Variants in ATRNL1 observed in about 807,000 individuals in gnomAD.
ATRNL1 encodes the protein attractin-like protein 1.
ATRNL1 carries 95 observed loss-of-function variants against 182.7 expected under a neutral mutation model. The observed-to-expected ratio is 0.52, with a 90% CI of 0.44 to 0.62. The LOEUF (loss-of-function observed/expected upper bound fraction) is 0.62. Ranked by LOEUF, ATRNL1 falls within the 20% of genes least tolerant of loss-of-function variation. ATRNL1 has a pLI of 0.00. For missense variants in ATRNL1, 1,471 were observed against 1,679.5 expected, an observed-to-expected ratio of 0.88 and a Z score of 2.17; for synonymous variants, 576 against 568.3, an observed-to-expected ratio of 1.01 and a Z score of -0.19.
intron 25 of ATRNL1, among the ~76,000 whole-genome samples, chr10:115,533,916 G>T (rs1224819925): frequency 1.3e-5 from 2 of 149,598 alleles, no homozygotes; most frequent in Non-Finnish European, 3.0e-5. Flanking sequence ...GAGCGGTTTT[G>T]AGTGAGTTTC....
chr10:115,850,228 G>C (rs1454231003), intron 28 of ATRNL1, among the ~76,000 whole-genome samples: 1 of 152,030 alleles, frequency 6.6e-6, no homozygotes, highest in Non-Finnish European at 1.5e-5. Context: ...TAGGAATACT[G>C]ATATTCATTA....
At chr10:115,457,693 G>A (rs1847594837) in intron 21 of ATRNL1, among the ~76,000 whole-genome samples, 1 of 151,974 alleles carries the variant, frequency 6.6e-6, no homozygotes, top group Non-Finnish European at 1.5e-5. Context: ...GCTTCCAAAT[G>A]ATCCCGCCAC....
chr10:115,259,642 A>T (rs1554908172), intron 10 of ATRNL1, among the ~76,000 whole-genome samples: 1 of 152,126 alleles, frequency 6.6e-6, no homozygotes, highest in Non-Finnish European at 1.5e-5. Flanking sequence ...AACTAGTCCC[A>T]ATGAGATGAA....
chr10:115,538,811 C>A (rs564483218), intron 25 of ATRNL1, among the ~76,000 whole-genome samples: 1 of 152,304 alleles, frequency 6.6e-6, no homozygotes, highest in South Asian at 2.1e-4. Flanking sequence ...CAGTTTTATA[C>A]AGTCAATGCA....
At chr10:115,749,730 A>G (rs1474790906) in intron 27 of ATRNL1, among the ~76,000 whole-genome samples, 1 of 151,822 alleles carries the variant, frequency 6.6e-6, no homozygotes, top group African/African-American at 2.4e-5. Context: ...TTATTTTGGA[A>G]TGGAAAGAGA....
intron 26 of ATRNL1, among the ~76,000 whole-genome samples, chr10:115,553,308 G>T (rs747466953): frequency 4.0e-5 from 6 of 151,022 alleles, no homozygotes; most frequent in Non-Finnish European, 8.9e-5. Flanking sequence ...GCAAAGGAAG[G>T]GTTATTTTTA....
chr10:115,137,201 A>G lies in ATRNL1; in HGVS notation c.829+7666A>G, dbSNP rs114388192. Among the ~76,000 whole-genome samples the G allele has an allele frequency of 3.7e-3, 569 of 152,326 alleles. 4 individuals carry two copies. The highest frequency in any genetic ancestry group is 0.013 in the African/African-American group (536 of 41,572). ...GAATGAAAATCCATCTCAAAAAAAA[A>G]TCTGAATGATGGGAGGTCTTTGGTT... On this transcript the variant is annotated intron_variant, in intron 5 of 28. Coordinates refer to ENST00000355044, the MANE Select transcript of ATRNL1 (RefSeq NM_207303.4).
chr10:115,866,635 A>G (rs148943195), intron 28 of ATRNL1, among the ~76,000 whole-genome samples: 3 of 152,244 alleles, frequency 2.0e-5, no homozygotes, highest in Non-Finnish European at 4.4e-5. Context: ...CTTGTACAGT[A>G]CTCTAGTGTT....
At chr10:115,656,044 C>T (rs563589615) in intron 26 of ATRNL1, among the ~76,000 whole-genome samples, 1 of 152,292 alleles carries the variant, frequency 6.6e-6, no homozygotes, top group South Asian at 2.1e-4. Flanking sequence ...ACCAGGACAA[C>T]TGAGATTAGC....
chr10:115,169,114 T>C (rs7098585), intron 7 of ATRNL1, among the ~76,000 whole-genome samples: 1,761 of 151,594 alleles, frequency 0.012, 33 homozygotes, highest in African/African-American at 0.039. Context: ...GGTACTCTTG[T>C]CAAAAATCAA....
At chr10:115,403,144 A>G (rs1844650784) in intron 20 of ATRNL1, among the ~76,000 whole-genome samples, 1 of 152,012 alleles carries the variant, frequency 6.6e-6, no homozygotes, top group South Asian at 2.1e-4. Flanking sequence ...TTTCCGTTTT[A>G]GGAAGATCAA....
chr10:115,820,738 C>G (rs574351901), intron 27 of ATRNL1, among the ~76,000 whole-genome samples: 1 of 152,226 alleles, frequency 6.6e-6, no homozygotes, highest in South Asian at 2.1e-4. Flanking sequence ...TGAAGTCACA[C>G]TGACTTGGCT....
rs1340571119 is a variant in ATRNL1 at position 115,623,952 on chromosome 10, AG to A, written c.3795+74418del. 2.0e-5 allele frequency among the ~76,000 whole-genome samples: 3 copies of A among 152,298 alleles called. No homozygotes were observed. The East Asian group carries it at 5.8e-4, about 29-fold the overall frequency. ...CAGGATATTTTTAGGGACGCATGAA[AG>A]GATTTAATTTTACTTTTTAAATTGT... On this transcript the variant is annotated intron_variant, in intron 26 of 28. Transcript: ENST00000355044.
chr10:115,860,015 G>A (rs1555103128), intron 28 of ATRNL1, among the ~76,000 whole-genome samples: 1 of 152,142 alleles, frequency 6.6e-6, no homozygotes, highest in African/African-American at 2.4e-5. Context: ...AGTTGAGCAG[G>A]CTTCTCTCAC....
rs79869392 is a variant in ATRNL1 at position 115,511,274 on chromosome 10, A to G, written c.3655-7989A>G. ...GTGGATCTTAGTAACAGCTAATTTA[A>G]TCTCCAATTTGAATTTATTTATATT... On this transcript the variant is annotated intron_variant, in intron 24 of 28. Transcript: ENST00000355044. Among the ~76,000 whole-genome samples the G allele has an allele frequency of 8.1e-3, 1,226 of 152,054 alleles. 12 individuals are homozygous for G. Among genetic ancestry groups the G allele is most frequent in the South Asian group, 0.013 (65 of 4,830 alleles).
At position 115,841,877 on chromosome 10, in the gene ATRNL1, C is replaced by T. The variant is rs116143499; in HGVS notation, c.3904-6000C>T. On this transcript the variant is annotated intron_variant, in intron 27 of 28. Transcript: ENST00000355044. ...TGGAATCAGGACACTTGATTAGCTG[C>T]GAGCCAAGTCATCAGGCCCACTTAA... Among the ~76,000 whole-genome samples, 1,030 of 152,140 alleles carry T rather than the reference C, an allele frequency of 6.8e-3. 15 individuals are homozygous for T. The highest frequency in any genetic ancestry group is 0.024 in the African/African-American group (983 of 41,538).
At chr10:115,291,182 T>A (rs1852885802) in intron 15 of ATRNL1, among the ~76,000 whole-genome samples, 1 of 152,246 alleles carries the variant, frequency 6.6e-6, no homozygotes, top group Non-Finnish European at 1.5e-5. Flanking sequence ...TTACCCTCAC[T>A]ATCTACCTAA....
At chr10:115,408,737 G>GT (rs1219556138) in intron 20 of ATRNL1, among the ~76,000 whole-genome samples, 15 of 151,696 alleles carry the variant, frequency 9.9e-5, no homozygotes, top group Non-Finnish European at 1.8e-4. Flanking sequence ...TTTTTCCGTT[G>GT]TTTTTTGTAT....
intron 26 of ATRNL1, among the ~76,000 whole-genome samples, chr10:115,646,770 T>C (rs2133870207): frequency 6.6e-6 from 1 of 152,200 alleles, no homozygotes; most frequent in South Asian, 2.1e-4. Context: ...TCTAATCTGC[T>C]TTATTTTTCA....
Sources: allele counts gnomAD v4.1 joint callset (sites outside exome capture counted in the v4.1 genomes callset), GRCh38; gene constraint gnomAD v4.1.1; transcripts MANE v1.5; gene names NCBI Gene and HGNC (gene_info 2026-07-23, HGNC 2026-07-21).